Variants in NRXN1 observed in about 807,000 individuals in gnomAD.
The protein encoded by NRXN1 is neurexin-1.
NRXN1 carries 39 observed loss-of-function variants against 150.9 expected under a neutral mutation model. The observed-to-expected ratio is 0.26, with a 90% CI of 0.20 to 0.34. The LOEUF (loss-of-function observed/expected upper bound fraction) is 0.34. Ranked by LOEUF, NRXN1 falls within the 10% of genes least tolerant of loss-of-function variation. NRXN1 has a pLI of 1.00. For missense variants in NRXN1, 1,815 were observed against 1,949.9 expected, an observed-to-expected ratio of 0.93 and a Z score of 1.30; for synonymous variants, 924 against 757.0, an observed-to-expected ratio of 1.22 and a Z score of -3.62.
chr2:50,280,277 CAA>C (rs4032052), intron 17 of NRXN1, among the ~76,000 whole-genome samples: 85,137 of 122,596 alleles, frequency 0.69, 28,121 homozygotes, highest in Middle Eastern at 0.8. Flanking sequence ...GAATCAGTCT[CAA>C]AAAAAAAAAA....
At chr2:50,095,952 A>C (rs1700166714) in intron 18 of NRXN1, among the ~76,000 whole-genome samples, 5 of 100,614 alleles carry the variant, frequency 5.0e-5, no homozygotes, top group South Asian at 4.0e-4. Context: ...CCACCCCACA[A>C]CAGGCCCCGG....
At chr2:50,062,956 T>C (rs1288331608) in intron 19 of NRXN1, among the ~76,000 whole-genome samples, 1 of 152,214 alleles carries the variant, frequency 6.6e-6, no homozygotes, top group Middle Eastern at 3.2e-3. Flanking sequence ...GCTTCTTATT[T>C]CTTGAGTTTT....
intron 18 of NRXN1, among the ~76,000 whole-genome samples, chr2:50,101,957 T>A (rs896757852): frequency 6.6e-6 from 1 of 152,012 alleles, no homozygotes; most frequent in Non-Finnish European, 1.5e-5. Context: ...TCGTTTTCTC[T>A]TTCTTATTGA....
intron 17 of NRXN1, among the ~76,000 whole-genome samples, chr2:50,427,939 C>A (rs1403569941): frequency 6.6e-6 from 1 of 152,114 alleles, no homozygotes; most frequent in African/African-American, 2.4e-5. Context: ...AAAATGGATA[C>A]AAAGACAAGT....
At chr2:50,705,995 T>C (rs563337721) in intron 5 of NRXN1, among the ~76,000 whole-genome samples, 23 of 151,948 alleles carry the variant, frequency 1.5e-4, no homozygotes, top group Non-Finnish European at 2.9e-4. Context: ...GCAAACTGAG[T>C]AAAGTTACTC....
In NRXN1 at chr2:50,459,042, T is replaced by C. The variant is rs560207794; in HGVS notation, c.3364+6400A>G. On this transcript the variant is annotated intron_variant, in intron 17 of 22. Coordinates refer to ENST00000401669, the MANE Select transcript of NRXN1 (RefSeq NM_001330078.2). ...CTGAAATATGTTGATGTAATCTACA[T>C]AAATTTTTTGTAGTTCTTTTTATGC... Among the ~76,000 whole-genome samples, 3 of 152,258 alleles carry C rather than the reference T, an allele frequency of 2.0e-5. No homozygotes were observed. The East Asian group carries it at 5.8e-4, about 29-fold the overall frequency.
At chr2:50,729,968 T>C (rs552647380) in intron 5 of NRXN1, among the ~76,000 whole-genome samples, 1 of 152,194 alleles carries the variant, frequency 6.6e-6, no homozygotes, top group African/African-American at 2.4e-5. Context: ...AGAGATTTCA[T>C]CCTTTCTAAA....
In NRXN1 at chr2:50,062,500, G is replaced by A. The variant is rs150892787; in HGVS notation, c.3719-7456C>T. On this transcript the variant is annotated intron_variant, in intron 19 of 22. Transcript: ENST00000401669. Reference sequence around the variant, plus strand: ...AATATTTTATTATCATTGCCCAAATGGACAAAAATACCATGTAACAATATT... The same window carrying A: ...AATATTTTATTATCATTGCCCAAATAGACAAAAATACCATGTAACAATATT... 2.2e-4 allele frequency among the ~76,000 whole-genome samples: 34 copies of A among 152,158 alleles called. No homozygotes were observed. In the East Asian group the frequency reaches 4.8e-3, roughly 22 times the overall value.
chr2:50,296,914 G>C (rs1268266327), intron 17 of NRXN1, among the ~76,000 whole-genome samples: 2 of 131,196 alleles, frequency 1.5e-5, no homozygotes, highest in African/African-American at 5.7e-5. Flanking sequence ...ATGGAGTCTC[G>C]CTCTTTCATC....
chr2:50,109,558 T>TTAG (rs1702106352), intron 18 of NRXN1, among the ~76,000 whole-genome samples: 1 of 151,802 alleles, frequency 6.6e-6, no homozygotes. Flanking sequence ...GGGTTTATTG[T>TTAG]ACTATTAGAC....
intron 21 of NRXN1, among the ~76,000 whole-genome samples, chr2:49,963,458 C>T (rs1167246093): frequency 6.6e-6 from 1 of 152,154 alleles, no homozygotes; most frequent in East Asian, 1.9e-4. Context: ...AGAGTTCCTC[C>T]ACCTATGTTT....
chr2:50,848,195 G>A (rs1286621483), intron 5 of NRXN1, among the ~76,000 whole-genome samples: 4 of 152,062 alleles, frequency 2.6e-5, no homozygotes, highest in South Asian at 2.1e-4. Flanking sequence ...ACCCCTAGAC[G>A]TTCAAACAGC....
At chr2:50,726,818 C>T (rs1697418261) in intron 5 of NRXN1, among the ~76,000 whole-genome samples, 1 of 152,034 alleles carries the variant, frequency 6.6e-6, no homozygotes. Flanking sequence ...ATAAGGGTAA[C>T]AAAAATTATT....
intron 19 of NRXN1, among the ~76,000 whole-genome samples, chr2:50,059,454 T>C (rs1415437761): frequency 6.6e-6 from 1 of 152,138 alleles, no homozygotes; most frequent in Non-Finnish European, 1.5e-5. Flanking sequence ...AGCATAAAAG[T>C]TCAGAAAATT....
chr2:50,428,435 G>T (rs1295890985), intron 17 of NRXN1, among the ~76,000 whole-genome samples: 3 of 152,084 alleles, frequency 2.0e-5, no homozygotes, highest in Non-Finnish European at 4.4e-5. Flanking sequence ...AAGGTAAATT[G>T]TAAGAACAAA....
At chr2:50,270,762 C>T (rs953245089) in intron 17 of NRXN1, among the ~76,000 whole-genome samples, 6 of 151,764 alleles carry the variant, frequency 4.0e-5, no homozygotes, top group East Asian at 1.9e-4. Flanking sequence ...CTCCACCTCC[C>T]GGGTTCAAGC....
intron 17 of NRXN1, among the ~76,000 whole-genome samples, chr2:50,303,289 G>C (rs895757863): frequency 5.9e-5 from 9 of 152,090 alleles, no homozygotes; most frequent in African/African-American, 2.2e-4. Flanking sequence ...TACCTCACAG[G>C]ATATAATTTC....
intron 5 of NRXN1, among the ~76,000 whole-genome samples, chr2:50,818,679 C>G (rs1669274860): frequency 6.6e-6 from 1 of 151,772 alleles, no homozygotes; most frequent in African/African-American, 2.4e-5. Flanking sequence ...ACAAATAAGA[C>G]TACATTAAAC....
At chr2:50,891,786 T>C (rs975123071) in intron 5 of NRXN1, among the ~76,000 whole-genome samples, 4 of 152,120 alleles carry the variant, frequency 2.6e-5, no homozygotes, top group Admixed American at 6.6e-5. Context: ...CTTGTTTTTA[T>C]ACAGACACAA....
Sources: gnomAD v4.1 joint callset for allele counts (sites outside exome capture counted in the v4.1 genomes callset) on GRCh38, gnomAD v4.1.1 for gene constraint, MANE v1.5 for transcripts, NCBI Gene and HGNC (gene_info 2026-07-23, HGNC 2026-07-21) for gene names.